Variants in RHOBTB3 observed in about 807,000 individuals in gnomAD.
RHOBTB3 encodes the protein Rho related BTB domain containing 3.
A neutral mutation model predicts 67.2 loss-of-function variants in RHOBTB3; 47 were observed. That is an observed-to-expected ratio of 0.70 (90% CI 0.55 to 0.89). The LOEUF (loss-of-function observed/expected upper bound fraction) is 0.89, where lower values mean the gene tolerates loss of function less well. Ranked by LOEUF, RHOBTB3 falls within the 40% of genes least tolerant of loss-of-function variation. The pLI is 0.00. For missense variants in RHOBTB3, 631 were observed against 750.0 expected (o/e 0.84, Z 1.85); for synonymous variants, 273 against 274.2 (o/e 1.00, Z 0.04).
chr5:95,720,746 AC>A (rs1412696515), intron 1 of RHOBTB3, among the ~76,000 whole-genome samples: 1 of 152,096 alleles, frequency 6.6e-6, no homozygotes, highest in Admixed American at 6.5e-5. Context: ...AGACTCGTAG[AC>A]TTTTCCCATG....
intron 8 of RHOBTB3, among the ~76,000 whole-genome samples, chr5:95,775,593 A>G (rs1046902294): frequency 1.3e-5 from 2 of 152,044 alleles, no homozygotes; most frequent in Non-Finnish European, 2.9e-5. Flanking sequence ...TTTGCTTTTT[A>G]GATCATGTTA....
intron 8 of RHOBTB3, among the ~76,000 whole-genome samples, chr5:95,776,814 A>G (rs986155083): frequency 2.6e-5 from 4 of 152,178 alleles, no homozygotes; most frequent in African/African-American, 9.7e-5. Context: ...ACGGGGGTTG[A>G]GATAGTGCAT....
At chr5:95,781,166 A>T (rs868513197) in intron 9 of RHOBTB3, among the ~76,000 whole-genome samples, 1 of 152,144 alleles carries the variant, frequency 6.6e-6, no homozygotes, top group African/African-American at 2.4e-5. Flanking sequence ...CTTGCTTGGG[A>T]TGCTGGCAGG....
At chr5:95,741,344 AG>A (rs1755590720) in intron 3 of RHOBTB3, among the ~76,000 whole-genome samples, 1 of 151,030 alleles carries the variant, frequency 6.6e-6, no homozygotes, top group African/African-American at 2.4e-5. Context: ...AAAAAAGAAA[AG>A]AAAAAAAAAA....
chr5:95,731,151 G>T (rs113338846), upstream of RHOBTB3: 2 of 1,017,066 alleles, frequency 2.0e-6, no homozygotes, highest in Non-Finnish European at 1.2e-6. Flanking sequence ...CGCCCCGCGC[G>T]GGCGGCTCCT....
rs557224185 is a variant in RHOBTB3, at chr5:95,733,141, G to A, written c.228+1057G>A. On this transcript the variant is annotated intron_variant, in intron 2 of 11. Transcript: ENST00000379982. ...ACATAACAGAACGAAAAGATCACTC[G>A]CTCGTGTAAGTTTTCAGTTAAAGAA... Among the ~76,000 whole-genome samples the A allele has an allele frequency of 2.0e-5, 3 of 152,268 alleles. No individual in the cohort carries two copies. The South Asian group carries it at 6.2e-4, about 32-fold the overall frequency.
At chr5:95,729,440 T>C (rs1484379049), upstream of RHOBTB3, among the ~76,000 whole-genome samples, 1 of 152,236 alleles carries the variant, frequency 6.6e-6, no homozygotes, top group Non-Finnish European at 1.5e-5. Flanking sequence ...CTTTGGTGTC[T>C]ATTTTTGTTT....
chr5:95,783,001 A>G (rs1746103964), intron 9 of RHOBTB3, among the ~76,000 whole-genome samples: 1 of 151,824 alleles, frequency 6.6e-6, no homozygotes, highest in East Asian at 1.9e-4. Flanking sequence ...TTTTAAGGGC[A>G]ATTATAGAAT....
chr5:95,765,856 G>T (rs1029676066), intron 7 of RHOBTB3, among the ~76,000 whole-genome samples: 6 of 152,126 alleles, frequency 3.9e-5, no homozygotes, highest in African/African-American at 1.4e-4. Context: ...TGGAGACGGG[G>T]TTTCACCGTG....
chr5:95,753,004 C>CG (rs933565709), intron 5 of RHOBTB3, among the ~76,000 whole-genome samples: 1 of 152,010 alleles, frequency 6.6e-6, no homozygotes. Flanking sequence ...AGGTGGCAGG[C>CG]GCCTGTAGTC....
Position 95,780,339 on chromosome 5 carries a change from A to G in RHOBTB3, c.1370A>G (p.Lys457Arg). 1 of 1,613,858 alleles carries G rather than the reference A, an allele frequency of 6.2e-7. No individual in the cohort carries two copies. Among genetic ancestry groups the G allele is most frequent in the Non-Finnish European group, 8.5e-7 (1 of 1,179,704 alleles). The part of the protein sequence containing the change: ...AMFNGNYMEA[K>R]SVLIPVYGVS... ...TTTAATGGTAATTACATGGAAGCAA[A>G]GAGTGTCCTGATTCCCGTTTATGGT... Residue 457 changes from lysine (K) to arginine (R), a missense_variant, in exon 9 of 12, where the codon AAG becomes AGG. By Grantham distance (26) the Lys-to-Arg change is conservative (BLOSUM62 2). Coordinates refer to ENST00000379982, the MANE Select transcript of RHOBTB3 (RefSeq NM_014899.4).
At chr5:95,757,592 T>C (rs1322179909) in intron 6 of RHOBTB3, among the ~76,000 whole-genome samples, 41 of 152,240 alleles carry the variant, frequency 2.7e-4, no homozygotes. Context: ...ACTTTGTTCA[T>C]GTGGTTTGTG....
intron 2 of RHOBTB3, among the ~76,000 whole-genome samples, chr5:95,734,686 G>A (rs1011547714): frequency 1.3e-5 from 2 of 151,904 alleles, no homozygotes; most frequent in African/African-American, 2.4e-5. Flanking sequence ...TTCATTTCAC[G>A]TTTCTATATC....
At chr5:95,765,962 C>T (rs1043091108) in intron 7 of RHOBTB3, among the ~76,000 whole-genome samples, 21 of 152,144 alleles carry the variant, frequency 1.4e-4, no homozygotes, top group South Asian at 8.3e-4. Flanking sequence ...GTGCCCAGCC[C>T]GGTGATGCTT....
intron 3 of RHOBTB3, among the ~76,000 whole-genome samples, chr5:95,743,096 TA>T (rs898481028): frequency 2.6e-5 from 4 of 151,986 alleles, no homozygotes; most frequent in African/African-American, 4.8e-5. Context: ...AAAAAATAAA[TA>T]AAAAAAACTC....
chr5:95,732,186 C>A, intron 2 of RHOBTB3, 102 bp downstream of exon 2: 2 of 1,041,444 alleles, frequency 1.9e-6, no homozygotes, highest in Non-Finnish European at 2.9e-6. Context: ...GGAGTGTCCG[C>A]GTTACATGGG....
At chr5:95,785,269 G>A (rs115912187) in intron 10 of RHOBTB3, among the ~76,000 whole-genome samples, 6 of 152,146 alleles carry the variant, frequency 3.9e-5, no homozygotes, top group African/African-American at 1.4e-4. Context: ...ACGATCACAT[G>A]TATTTAATTA....
intron 3 of RHOBTB3, among the ~76,000 whole-genome samples, chr5:95,744,090 TC>T (rs1228813453): frequency 6.7e-6 from 1 of 150,108 alleles, no homozygotes; most frequent in South Asian, 2.1e-4. Flanking sequence ...CTTTCTCTCC[TC>T]CCCCCTTCCC....
rs1755243756 is a variant in RHOBTB3 at position 95,731,498 on chromosome 5, C to G, written c.-185C>G. On this transcript the variant is annotated 5_prime_UTR_variant, in exon 1 of 12. Coordinates refer to ENST00000379982, the MANE Select transcript of RHOBTB3 (RefSeq NM_014899.4). The stretch of plus-strand genomic sequence containing the variant: ...CCGCCCGCTAGCCCGCCCTGGTCCC[C>G]GGCTCGCTCGCTGGCTGGCGCGGCC... The G allele has an allele frequency of 4.8e-6, 6 of 1,245,406 alleles. No individual in the cohort carries two copies. The highest frequency in any genetic ancestry group is 6.9e-5 in the East Asian group (2 of 29,084). 77.1% of individuals were successfully genotyped at this position (1,245,406 alleles called of 1,614,324 possible).
Sources: gnomAD v4.1 joint callset for allele counts (sites outside exome capture counted in the v4.1 genomes callset) on GRCh38, gnomAD v4.1.1 for gene constraint, MANE v1.5 for transcripts, NCBI Gene and HGNC (gene_info 2026-07-23, HGNC 2026-07-21) for gene names.